ACAN: variants seen among roughly 807,000 people sequenced by gnomAD.
ACAN encodes aggrecan.
ACAN carries 47 observed loss-of-function variants against 169.1 expected under a neutral mutation model. The ratio of observed to expected loss-of-function variants is 0.28; its 90% CI spans 0.22 to 0.35. ACAN has a LOEUF of 0.35. Ranked by LOEUF, ACAN falls within the 10% of genes least tolerant of loss-of-function variation. The pLI is 1.00. For missense variants in ACAN, 2,716 were observed against 2,759.9 expected (o/e 0.98, Z 0.36); for synonymous variants, 1,115 against 1,112.2 (o/e 1.00, Z -0.05).
chr15:88,859,201 A>C lies in ACAN; in HGVS notation c.6616A>C (p.Thr2206Pro). Residue 2206 changes from threonine (T) to proline (P), a missense_variant, in exon 12 of 19, where the codon ACC becomes CCC. Thr to Pro is a conservative substitution (Grantham distance 38). Around this residue, in one of 3 missense-constraint regions of ACAN, gnomAD observed 1,389 missense variants for 1,363.7 expected, o/e 1.02. Coordinates refer to ENST00000560601, the MANE Select transcript of ACAN (RefSeq NM_001369268.1). ...TEISGDLSGHTSQLGVVISTS... is the reference protein window; with the variant it reads ...TEISGDLSGHPSQLGVVISTS... ...AATCAGCGGAGACCTGTCTGGTCAC[A>C]CCTCGCAGCTGGGCGTTGTCATCAG... The C allele has an allele frequency of 6.2e-7, 1 of 1,613,860 alleles. No homozygotes were observed. The highest frequency in any genetic ancestry group is 8.5e-7 in the Non-Finnish European group (1 of 1,179,890).
chr15:88,819,525 G>T (rs1032118593), intron 1 of ACAN, among the ~76,000 whole-genome samples: 2 of 151,068 alleles, frequency 1.3e-5, no homozygotes, highest in Admixed American at 6.6e-5. Flanking sequence ...CACTTTGGAA[G>T]GTTGAGGTGG....
At chr15:88,852,379 A>C (rs1440748125) in intron 11 of ACAN, among the ~76,000 whole-genome samples, 2 of 151,938 alleles carry the variant, frequency 1.3e-5, no homozygotes, top group African/African-American at 4.8e-5. Context: ...CCTAACCTCA[A>C]CCCTCTCTTG....
chr15:88,833,962 C>G (rs1371274543), intron 1 of ACAN, among the ~76,000 whole-genome samples: 1 of 152,168 alleles, frequency 6.6e-6, no homozygotes, highest in East Asian at 1.9e-4. Flanking sequence ...ATCCCTAAGG[C>G]TCTGGGAAGA....
intron 1 of ACAN, among the ~76,000 whole-genome samples, chr15:88,831,280 T>C (rs1026223612): frequency 5.9e-5 from 9 of 152,226 alleles, no homozygotes; most frequent in Non-Finnish European, 1.0e-4. Flanking sequence ...GCCTGTGACC[T>C]TCCCAAAATC....
At position 88,859,248 on chromosome 15, in the gene ACAN, G is replaced by C; in HGVS notation, c.6663G>C (p.Glu2221Asp). Reference protein sequence around the residue: ...VVISTSIPESEWTQQTQRPAE... With the variant: ...VVISTSIPESDWTQQTQRPAE... ...TCAGCACCAGCATCCCAGAGTCTGA[G>C]TGGACCCAGCAGACCCAGCGCCCTG... Residue 2221 changes from glutamate (E) to aspartate (D), a missense_variant, in exon 12 of 19, where the codon GAG (glutamate) becomes GAC (aspartate). Physicochemically the swap from Glu to Asp is conservative, Grantham distance 45. Coordinates refer to ENST00000560601, the MANE Select transcript of ACAN (RefSeq NM_001369268.1). 5 of 1,613,940 alleles carry C rather than the reference G, an allele frequency of 3.1e-6. No homozygotes were observed. The highest frequency in any genetic ancestry group is 4.2e-6 in the Non-Finnish European group (5 of 1,179,898).
rs899445314 is a variant in ACAN, at chr15:88,845,758, G to C, written c.1305G>C (p.Glu435Asp). 6.2e-7 allele frequency: 1 copy of C among 1,611,194 alleles called. No individual in the cohort carries two copies. The highest frequency in any genetic ancestry group is 8.5e-7 in the Non-Finnish European group (1 of 1,178,288). ...CTGCCTTCGCTGAGGTTGAGAATGA[G>C]ACTGGAGAGGCCACCAGGCCCTGGG... ...GATAFAEVEN[E>D]TGEATRPWGF... Residue 435 changes from glutamate (E) to aspartate (D), a missense_variant, in exon 7 of 19, where the codon GAG becomes GAC. By Grantham distance (45) the Glu-to-Asp change is conservative (BLOSUM62 2). Around this residue, in one of 3 missense-constraint regions of ACAN, gnomAD observed 1,283 missense variants for 1,281.5 expected, o/e 1.00. Coordinates refer to ENST00000560601, the MANE Select transcript of ACAN (RefSeq NM_001369268.1).
In ACAN at chr15:88,858,325, G is replaced by A. The variant is rs1464651103; in HGVS notation, c.5740G>A (p.Gly1914Arg). ...TGGAGAATCCTCCAGAGCTGAGATT[G>A]GGAGCAGCCTGCCCTCGGGAGCATA... ...VSGESSRAEIGSSLPSGAYYG... is the reference protein window; with the variant it reads ...VSGESSRAEIRSSLPSGAYYG... The change falls in exon 12 of 19, where the codon GGG becomes AGG. Residue 1914 changes from glycine (G) to arginine (R), a missense_variant. Coordinates refer to ENST00000560601, the MANE Select transcript of ACAN (RefSeq NM_001369268.1). This position sits in a 1 kb window ranked among gnomAD's most constrained non-coding sequence, Gnocchi z 4.0. The A allele has an allele frequency of 3.1e-6, 5 of 1,613,946 alleles. No individual in the cohort carries two copies. In the South Asian group the frequency reaches 5.5e-5, roughly 18 times the overall value.
Position 88,841,815 on chromosome 15 carries a change from C to T in ACAN, c.705C>T (p.Ile235=). ...TTCCTGGTGTGAGGACGTATGGCAT[C>T]CGAGACACCAACGAGACCTATGATG... ...DEFPGVRTYG[I]RDTNETYDVY... The change falls in exon 5 of 19, where the codon ATC becomes ATT. Residue 235 remains isoleucine, a synonymous_variant. Coordinates refer to ENST00000560601, the MANE Select transcript of ACAN (RefSeq NM_001369268.1). 1 of 1,613,490 alleles carries T rather than the reference C, an allele frequency of 6.2e-7. No homozygotes were observed. The highest frequency in any genetic ancestry group is 1.1e-5 in the South Asian group (1 of 91,004).
Position 88,851,737 on chromosome 15 carries a change from C to G in ACAN, c.2027-57C>G. On this transcript the variant is annotated intron_variant, in intron 10 of 18. Transcript: ENST00000560601. The surrounding 1 kb of genome is among the most constrained non-coding windows in gnomAD (Gnocchi z 4.3). Reference sequence around the variant, plus strand: ...CTAGCTCCCCTCAAGAAGGGCCAGCCAAGGACGGGTCACTGGTAAGAGAGG... The same window carrying G: ...CTAGCTCCCCTCAAGAAGGGCCAGCGAAGGACGGGTCACTGGTAAGAGAGG... The G allele has an allele frequency of 6.6e-7, 1 of 1,503,950 alleles. No individual in the cohort carries two copies. Among genetic ancestry groups the G allele is most frequent in the Admixed American group, 2.1e-5 (1 of 47,774 alleles). 93.2% of individuals were successfully genotyped at this position (1,503,950 alleles called of 1,614,324 possible). A position where few individuals can be genotyped will look rare whatever the true frequency, so the allele number is the denominator to read the frequency against.
Position 88,873,402 on chromosome 15 carries a change from G to A in ACAN, c.7447+377G>A, listed in dbSNP as rs1260605543. On this transcript the variant is annotated intron_variant, in intron 17 of 18. Transcript: ENST00000560601. This position sits in a 1 kb window ranked among gnomAD's most constrained non-coding sequence, Gnocchi z 7.5. ...GATTCCCAAGGCCATCAATCACAGAGTCATAGTTGTCAGGCCTCGATCCTT... is the reference window on the plus strand; with the variant it reads ...GATTCCCAAGGCCATCAATCACAGAATCATAGTTGTCAGGCCTCGATCCTT... Among the ~76,000 whole-genome samples the A allele has an allele frequency of 1.3e-5, 2 of 152,202 alleles. No individual in the cohort carries two copies. Among genetic ancestry groups the A allele is most frequent in the African/African-American group, 4.8e-5 (2 of 41,442 alleles).
intron 1 of ACAN, among the ~76,000 whole-genome samples, chr15:88,826,102 T>C (rs1212537709): frequency 1.3e-5 from 2 of 152,132 alleles, no homozygotes; most frequent in African/African-American, 2.4e-5. Context: ...CGGTCTCTCA[T>C]GGTAGGATGG....
At chr15:88,867,933 C>G (rs986835747) in intron 13 of ACAN, among the ~76,000 whole-genome samples, 5 of 152,198 alleles carry the variant, frequency 3.3e-5, no homozygotes, top group Admixed American at 3.3e-4. Context: ...TGGCTTTAGA[C>G]CTATCAGATC....
chr15:88,836,214 C>A lies in ACAN; in HGVS notation c.8C>A (p.Thr3Asn), dbSNP rs1896499281. 3 of 1,613,704 alleles carry A rather than the reference C, an allele frequency of 1.9e-6. No homozygotes were observed. The highest frequency in any genetic ancestry group is 1.3e-5 in the African/African-American group (1 of 74,924). MT[T>N]LLWVFVTLRV... ...CCCTCTTCCAGGTGAACTATGACCA[C>A]TTTACTCTGGGTTTTCGTGACTCTG... The change falls in exon 2 of 19, where the codon ACT becomes AAT. Residue 3 changes from threonine (T) to asparagine (N), a missense_variant. By Grantham distance (65) the Thr-to-Asn change is moderately conservative. Around this residue, in one of 3 missense-constraint regions of ACAN, gnomAD observed 1,283 missense variants for 1,281.5 expected, o/e 1.00. Coordinates refer to ENST00000560601, the MANE Select transcript of ACAN (RefSeq NM_001369268.1).
intron 11 of ACAN, among the ~76,000 whole-genome samples, chr15:88,852,292 A>C (rs1366417285): frequency 6.6e-6 from 1 of 152,196 alleles, no homozygotes; most frequent in Non-Finnish European, 1.5e-5. Flanking sequence ...TTTCCCTTGC[A>C]TGAACCCCCA....
chr15:88,813,642 C>A (rs1355549674), intron 1 of ACAN, among the ~76,000 whole-genome samples: 1 of 152,228 alleles, frequency 6.6e-6, no homozygotes, highest in African/African-American at 2.4e-5. Context: ...CACTACTGGG[C>A]TACCCAGCAT....
In ACAN at chr15:88,872,037, C is replaced by T. The variant is rs372066173; in HGVS notation, c.7254C>T (p.Asn2418=). 2.0e-4 allele frequency: 318 copies of T among 1,613,978 alleles called. No homozygotes were observed. The highest frequency in any genetic ancestry group is 7.1e-4 in the South Asian group (65 of 91,072). ...AAGACTACCAGTGGATCGGCCTGAA[C>T]GACAGGACCATCGAAGGGGACTTCC... ...NAQDYQWIGL[N]DRTIEGDFRW... The change falls in exon 16 of 19, where the codon AAC becomes AAT. Residue 2418 remains asparagine, a synonymous_variant. Coordinates refer to ENST00000560601, the MANE Select transcript of ACAN (RefSeq NM_001369268.1). The surrounding 1 kb of genome is among the most constrained non-coding windows in gnomAD (Gnocchi z 5.4).
intron 5 of ACAN, among the ~76,000 whole-genome samples, 162 bp downstream of exon 5, chr15:88,842,029 G>T (rs1015740005): frequency 2.0e-5 from 3 of 152,100 alleles, no homozygotes; most frequent in Admixed American, 6.5e-5. Flanking sequence ...AGGCCTACAG[G>T]TCTGCACCCC....
intron 4 of ACAN, among the ~76,000 whole-genome samples, chr15:88,840,889 A>G (rs950712671): frequency 2.0e-5 from 3 of 152,202 alleles, no homozygotes; most frequent in Non-Finnish European, 4.4e-5. Context: ...TCATGCCTGT[A>G]ATCCCAGCAC....
chr15:88,838,215 T>C lies in ACAN; in HGVS notation c.71-448T>C, dbSNP rs907134104. ...CAAATGGGACACATCTTAGAAGTTT[T>C]CTGTCTCAGCTTTAAAATTGTGTAG... is the stretch of plus-strand genomic sequence containing the variant. On this transcript the variant is annotated intron_variant, in intron 2 of 18. Coordinates refer to ENST00000560601, the MANE Select transcript of ACAN (RefSeq NM_001369268.1). This position sits in a 1 kb window ranked among gnomAD's most constrained non-coding sequence, Gnocchi z 5.1. 1.3e-5 allele frequency among the ~76,000 whole-genome samples: 2 copies of C among 152,192 alleles called. No homozygotes were observed. The highest frequency in any genetic ancestry group is 2.9e-5 in the Non-Finnish European group (2 of 68,030).
Sources: gnomAD v4.1 joint callset for allele counts (sites outside exome capture counted in the v4.1 genomes callset) on GRCh38, gnomAD v4.1.1 for gene constraint, gnomAD v4.1.1 regional missense constraint, Gnocchi (gnomAD v3.1) non-coding constraint, MANE v1.5 for transcripts, NCBI Gene and HGNC (gene_info 2026-07-23, HGNC 2026-07-21) for gene names.